Variants in CUX1 observed in about 807,000 individuals in gnomAD.
The protein encoded by CUX1 is cut like homeobox 1, also known as protein CASP.
CUX1 carries 31 observed loss-of-function variants against 158.8 expected under a neutral mutation model. The observed-to-expected ratio is 0.20, with a 90% confidence interval of 0.15 to 0.26. The LOEUF (loss-of-function observed/expected upper bound fraction) is 0.26, where lower values mean the gene tolerates loss of function less well. CUX1 is among the 10% of genes least tolerant of loss of function. The pLI is 1.00. For synonymous variants in CUX1, 879 were observed against 862.1 expected, an observed-to-expected ratio of 1.02 and a Z score of -0.34; for missense variants, 1,589 against 2,014.6, an observed-to-expected ratio of 0.79 and a Z score of 4.04.
At chr7:102,040,624 G>A (rs138665876) in intron 3 of CUX1, among the ~76,000 whole-genome samples, 1 of 152,348 alleles carries the variant, frequency 6.6e-6, no homozygotes, top group African/African-American at 2.4e-5. Context: ...GTCTATGAAT[G>A]AGTTAAAAGT....
intron 2 of CUX1, among the ~76,000 whole-genome samples, chr7:102,022,894 G>A (rs1055318901): frequency 6.6e-5 from 10 of 152,198 alleles, no homozygotes; most frequent in Non-Finnish European, 1.5e-4. Context: ...TGAATTAAGT[G>A]TGTAACGTGT....
chr7:101,973,392 C>G, intron 2 of CUX1, among the ~76,000 whole-genome samples: 1 of 152,320 alleles, frequency 6.6e-6, no homozygotes, highest in East Asian at 1.9e-4. Context: ...CACTGCCCCC[C>G]AGCCCTCCGC....
intron 2 of CUX1, among the ~76,000 whole-genome samples, chr7:102,016,177 A>G (rs1311946723): frequency 6.6e-6 from 1 of 151,888 alleles, no homozygotes; most frequent in Non-Finnish European, 1.5e-5. Context: ...TGAGCTCCAG[A>G]GCTAAAGCAG....
chr7:101,980,020 C>T (rs1424557604), intron 2 of CUX1, among the ~76,000 whole-genome samples: 4 of 152,168 alleles, frequency 2.6e-5, no homozygotes, highest in African/African-American at 9.7e-5. Context: ...TGAGTACAGG[C>T]CCAGGGCTGG....
chr7:101,867,405 G>A (rs180979809), intron 1 of CUX1, among the ~76,000 whole-genome samples: 2 of 152,268 alleles, frequency 1.3e-5, no homozygotes, highest in Admixed American at 6.5e-5. Flanking sequence ...CCCACCAGGG[G>A]CCCACCTGCC....
At chr7:102,178,765 C>A (rs1490589347) in intron 11 of CUX1, 108 bp downstream of exon 11, 11 of 1,201,088 alleles carry the variant, frequency 9.2e-6, no homozygotes, top group Non-Finnish European at 1.2e-5. Context: ...GCAAGTGTGG[C>A]AACCTTGAAC....
In CUX1 at chr7:102,004,568, TCA is replaced by T. The variant is rs201156899; in HGVS notation, c.142-23527_142-23526del. Among the ~76,000 whole-genome samples the T allele has an allele frequency of 5.1e-4, 78 of 152,236 alleles. No individual in the cohort carries two copies. In the East Asian group the frequency reaches 0.015, roughly 29 times the overall value. On this transcript the variant is annotated intron_variant, in intron 2 of 23. Coordinates refer to ENST00000292535, the MANE Select transcript of CUX1 (RefSeq NM_181552.4). ...GGCTTCTAAGAAATATATTCCTATC[TCA>T]CATCTCAGTTGATATTCACAGCCAC...
chr7:102,118,396 G>A (rs1051190281), intron 8 of CUX1, among the ~76,000 whole-genome samples: 2 of 152,056 alleles, frequency 1.3e-5, no homozygotes, highest in East Asian at 3.9e-4. Flanking sequence ...AAATTATCCT[G>A]GCATGGTAGC....
intron 1 of CUX1, among the ~76,000 whole-genome samples, chr7:101,903,832 C>T (rs1365003701): frequency 6.6e-6 from 1 of 151,822 alleles, no homozygotes; most frequent in Non-Finnish European, 1.5e-5. Flanking sequence ...GGGTGAAAAA[C>T]AAAAAAACAA....
chr7:101,821,718 A>C (rs1426068666), intron 1 of CUX1, among the ~76,000 whole-genome samples: 1 of 101,706 alleles, frequency 9.8e-6, no homozygotes, highest in Non-Finnish European at 1.8e-5. Flanking sequence ...TCTGTCGCCC[A>C]GGCTGGAGTG....
At chr7:102,034,935 AAAAC>A (rs571247697) in intron 3 of CUX1, among the ~76,000 whole-genome samples, 17 of 152,138 alleles carry the variant, frequency 1.1e-4, no homozygotes, top group South Asian at 6.2e-4. Flanking sequence ...TTCCATCTCA[AAAAC>A]AAACAAACAA....
At chr7:101,872,429 C>T (rs572999267) in intron 1 of CUX1, among the ~76,000 whole-genome samples, 3 of 151,852 alleles carry the variant, frequency 2.0e-5, no homozygotes, top group Non-Finnish European at 4.4e-5. Context: ...CCACCGCGCC[C>T]GGCCCATAGA....
rs1206424169 is a variant in CUX1 at position 102,083,902 on chromosome 7, A to G, written c.269-13462A>G. On this transcript the variant is annotated intron_variant, in intron 4 of 23. Coordinates refer to ENST00000292535, the MANE Select transcript of CUX1 (RefSeq NM_181552.4). Reference sequence around the variant, plus strand: ...AATCTACAATGTTTATTTTATTATTATTATTTTTAATCTCGCTTCATCACC... The same window carrying G: ...AATCTACAATGTTTATTTTATTATTGTTATTTTTAATCTCGCTTCATCACC... 3.4e-5 allele frequency among the ~76,000 whole-genome samples: 5 copies of G among 146,364 alleles called. 1 individual carries two copies. Among genetic ancestry groups the G allele is most frequent in the Non-Finnish European group, 7.7e-5 (5 of 64,954 alleles).
chr7:102,216,613 CACT>C (rs1797152380), intron 20 of CUX1, among the ~76,000 whole-genome samples: 6 of 87,280 alleles, frequency 6.9e-5, no homozygotes, highest in Admixed American at 1.3e-4. Flanking sequence ...CACACACACA[CACT>C]CCCCACACAC....
rs550613415 is a variant in CUX1, at chr7:102,212,877, G to A, written c.3130+7707G>A. 1.1e-3 allele frequency among the ~76,000 whole-genome samples: 173 copies of A among 152,118 alleles called. 1 individual carries two copies. The highest frequency in any genetic ancestry group is 1.3e-3 in the Non-Finnish European group (87 of 68,012). On this transcript the variant is annotated intron_variant, in intron 20 of 23. Coordinates refer to ENST00000292535, the MANE Select transcript of CUX1 (RefSeq NM_181552.4). ...GTGTACATGTGTGAGAGGGAGTCTC[G>A]CTCTGTCACCCAGGCTGGAGTGCAG... is the stretch of plus-strand genomic sequence containing the variant.
intron 2 of CUX1, among the ~76,000 whole-genome samples, chr7:101,934,529 A>G (rs1806690886): frequency 6.6e-6 from 1 of 152,192 alleles, no homozygotes; most frequent in African/African-American, 2.4e-5. Context: ...GGTTTCACGA[A>G]TCTGACTTTT....
chr7:101,977,571 G>A (rs1812871825), intron 2 of CUX1, among the ~76,000 whole-genome samples: 1 of 152,130 alleles, frequency 6.6e-6, no homozygotes, highest in Admixed American at 6.6e-5. Context: ...GAGCCCAAGA[G>A]ATCGAGGCTG....
intron 2 of CUX1, among the ~76,000 whole-genome samples, chr7:102,003,638 CA>C (rs993976244): frequency 7.2e-5 from 11 of 152,182 alleles, no homozygotes; most frequent in African/African-American, 2.7e-4. Context: ...CAGGTCACCC[CA>C]GGTGGTTTCA....
intron 2 of CUX1, among the ~76,000 whole-genome samples, chr7:101,963,155 C>T (rs938467445): frequency 1.3e-5 from 2 of 152,200 alleles, no homozygotes; most frequent in African/African-American, 2.4e-5. Context: ...AAACCACCCC[C>T]TTCTCTCACC....
Sources: allele counts gnomAD v4.1 joint callset (sites outside exome capture counted in the v4.1 genomes callset), GRCh38; gene constraint gnomAD v4.1.1; transcripts MANE v1.5; gene names NCBI Gene and HGNC (gene_info 2026-07-23, HGNC 2026-07-21).